WNT5B: variants seen among roughly 807,000 people sequenced by gnomAD.
WNT5B encodes protein Wnt-5b.
A neutral mutation model predicts 36.5 loss-of-function variants in WNT5B; 18 were observed. The ratio of observed to expected loss-of-function variants is 0.49; its 90% confidence interval spans 0.34 to 0.73. The LOEUF is 0.73. WNT5B is among the 30% of genes least tolerant of loss of function. WNT5B has a pLI of 0.01. For synonymous variants in WNT5B, 213 were observed against 212.3 expected (o/e 1.00, Z -0.03); for missense variants, 424 against 508.4 (o/e 0.83, Z 1.60).
intron 3 of WNT5B, among the ~76,000 whole-genome samples, chr12:1,637,687 T>C (rs934456375): frequency 6.6e-6 from 1 of 150,808 alleles, no homozygotes; most frequent in African/African-American, 2.4e-5. Context: ...GCAGCAGAGG[T>C]TGCAGTGAGC....
Position 1,646,177 on chromosome 12 carries a change from CT to C in WNT5B, c.1006del (p.Cys336AlafsTer48). The C allele has an allele frequency of 3.1e-6, 5 of 1,613,892 alleles. No homozygotes were observed. Among genetic ancestry groups the C allele is most frequent in the Non-Finnish European group, 4.2e-6 (5 of 1,180,050 alleles). On this transcript the variant is annotated frameshift_variant, in exon 5 of 5. Transcript: ENST00000397196. LOFTEE classifies it high-confidence loss of function. The stretch of plus-strand genomic sequence containing the variant: ...AGAGCGTGCAGGTGGAGCGCTGCCA[CT>C]GCAAGTTCCACTGGTGCTGCTTCGT... ...FKSVQVERCH[C>X]KFHWCCFVRC...
intron 4 of WNT5B, 59 bp from the exon 5 acceptor site, chr12:1,645,735 C>G: frequency 6.6e-7 from 1 of 1,507,088 alleles, no homozygotes; most frequent in East Asian, 2.3e-5. Context: ...ACCCCAGCCA[C>G]CCTCTGGGCC....
chr12:1,638,602 A>G (rs1391793248), intron 3 of WNT5B, among the ~76,000 whole-genome samples: 1 of 152,196 alleles, frequency 6.6e-6, no homozygotes, highest in Non-Finnish European at 1.5e-5. Flanking sequence ...AATAGAACAT[A>G]CATTATATGA....
intron 1 of WNT5B, among the ~76,000 whole-genome samples, chr12:1,623,177 G>GTTTTTTTTTTTTTTTTTTTTT (rs1565603144): frequency 1.0e-5 from 1 of 98,258 alleles, no homozygotes; most frequent in African/African-American, 4.2e-5. Flanking sequence ...CCTTTGAAGG[G>GTTTTTTTTTTTTTTTTTTTTT]TTTTTTGTTG....
intron 1 of WNT5B, chr12:1,617,217 A>G (rs1042520388): frequency 1.3e-5 from 2 of 152,104 alleles, no homozygotes; most frequent in African/African-American, 4.8e-5. Flanking sequence ...AAGAGTCAAT[A>G]TAACTACTTG....
upstream of WNT5B, among the ~76,000 whole-genome samples, chr12:1,628,055 CA>C (rs1009781988): frequency 1.6e-4 from 25 of 152,276 alleles, no homozygotes; most frequent in Admixed American, 1.6e-3. Context: ...GATGTCTGAC[CA>C]GCTCATTCTG....
At chr12:1,643,539 C>T (rs957991717) in intron 4 of WNT5B, among the ~76,000 whole-genome samples, 6 of 151,860 alleles carry the variant, frequency 4.0e-5, no homozygotes, top group African/African-American at 1.2e-4. Context: ...GCTAATTTTG[C>T]ATTTTTAGTA....
Position 1,632,946 on chromosome 12 carries a change from C to T in WNT5B, c.328+41C>T. 1.3e-6 allele frequency: 2 copies of T among 1,568,248 alleles called. No homozygotes were observed. Among genetic ancestry groups the T allele is most frequent in the Non-Finnish European group, 1.7e-6 (2 of 1,152,392 alleles). On this transcript the variant is annotated intron_variant, in intron 3 of 4. Coordinates refer to ENST00000397196, the MANE Select transcript of WNT5B (RefSeq NM_032642.3). The surrounding 1 kb of genome is among the most constrained non-coding windows in gnomAD (Gnocchi z 5.8). The stretch of plus-strand genomic sequence containing the variant: ...AAGAGGGCTCGGCCAAGGAACTGCA[C>T]TCGTCTCGTTTGGGAGCAATTAAGC...
chr12:1,629,543 C>T (rs909724331), intron 1 of WNT5B, among the ~76,000 whole-genome samples, 172 bp downstream of exon 1: 1 of 151,894 alleles, frequency 6.6e-6, no homozygotes, highest in Admixed American at 6.6e-5. Flanking sequence ...GCTTCGGGGC[C>T]GCGGGGAGGA....
At chr12:1,621,685 A>G (rs975098126) in intron 1 of WNT5B, among the ~76,000 whole-genome samples, 1 of 149,208 alleles carries the variant, frequency 6.7e-6, no homozygotes, top group African/African-American at 2.5e-5. Context: ...AGGATTACAG[A>G]CATGTGCCAC....
chr12:1,624,377 C>CA (rs34209948), upstream of WNT5B, among the ~76,000 whole-genome samples: 6,061 of 77,424 alleles, frequency 0.078, 236 homozygotes, highest in Non-Finnish European at 0.1. Context: ...GACTCTGTCT[C>CA]AAAAAAAAAA....
In WNT5B at chr12:1,632,237, T is replaced by C. The variant is rs903384107; in HGVS notation, c.81-421T>C. ...ACTCCTACTCATTGAATGAGGCCTGTGCTCTCCTGTTGAGGTTTGGCTCTT... is the reference window on the plus strand; with the variant it reads ...ACTCCTACTCATTGAATGAGGCCTGCGCTCTCCTGTTGAGGTTTGGCTCTT... On this transcript the variant is annotated intron_variant, in intron 2 of 4. Transcript: ENST00000397196. This position sits in a 1 kb window ranked among gnomAD's most constrained non-coding sequence, Gnocchi z 5.8. Among the ~76,000 whole-genome samples, 10 of 152,262 alleles carry C rather than the reference T, an allele frequency of 6.6e-5. No homozygotes were observed. Among genetic ancestry groups the C allele is most frequent in the Non-Finnish European group, 7.3e-5 (5 of 68,050 alleles).
chr12:1,629,991 G>T, intron 1 of WNT5B: 1 of 363,088 alleles, frequency 2.8e-6, no homozygotes, highest in Non-Finnish European at 3.8e-6. Flanking sequence ...GCCTGTTGGT[G>T]CCCCCGCCCC....
At position 1,632,682 on chromosome 12, in the gene WNT5B, G is replaced by A. The variant is rs753132418; in HGVS notation, c.105G>A (p.Gln35=). 2 of 1,607,204 alleles carry A rather than the reference G, an allele frequency of 1.2e-6. No individual in the cohort carries two copies. The highest frequency in any genetic ancestry group is 2.7e-5 in the African/African-American group (2 of 74,760). The change falls in exon 3 of 5, where the codon CAG becomes CAA. Residue 35 remains glutamine (Q), a synonymous_variant. Transcript: ENST00000397196. The surrounding 1 kb of genome is among the most constrained non-coding windows in gnomAD (Gnocchi z 5.8). ...SWWSLALNPV[Q]RPEMFIIGAQ... is the part of the protein sequence containing the mutation. ...GGTCATTAGCTTTGAACCCGGTGCA[G>A]AGACCCGAGATGTTTATCATCGGTG...
chr12:1,639,228 C>T (rs1167070210), intron 3 of WNT5B, among the ~76,000 whole-genome samples: 1 of 150,860 alleles, frequency 6.6e-6, no homozygotes, highest in African/African-American at 2.4e-5. Context: ...AGCTCCGCCT[C>T]CCGGGTTCAC....
chr12:1,637,758 A>G (rs544040697), intron 3 of WNT5B, among the ~76,000 whole-genome samples: 3 of 152,050 alleles, frequency 2.0e-5, no homozygotes, highest in Non-Finnish European at 2.9e-5. Flanking sequence ...TCAAAAAAAA[A>G]AAAAAGTTAT....
intron 4 of WNT5B, among the ~76,000 whole-genome samples, chr12:1,642,943 A>G (rs1261001555): frequency 2.6e-5 from 4 of 152,104 alleles, no homozygotes; most frequent in Admixed American, 1.3e-4. Context: ...GGCCTCGGCC[A>G]TCAGTCACCA....
At position 1,630,685 on chromosome 12, in the gene WNT5B, A is replaced by T. The variant is rs2154439533; in HGVS notation, c.-57-613A>T. ...TCGCGGCGTGGCTTGTACATTTCTC[A>T]GAGAAGCTGCCTTGAGAAAGTGAAA... On this transcript the variant is annotated intron_variant, in intron 1 of 4. Coordinates refer to ENST00000397196, the MANE Select transcript of WNT5B (RefSeq NM_032642.3). The surrounding 1 kb of genome is among the most constrained non-coding windows in gnomAD (Gnocchi z 5.3). The T allele has an allele frequency of 6.6e-6, 1 of 152,354 alleles. No homozygotes were observed. The highest frequency in any genetic ancestry group is 3.4e-3 in the Middle Eastern group (1 of 294). 9.4% of individuals were successfully genotyped at this position (152,354 alleles called of 1,614,324 possible).
At chr12:1,629,576 G>C (rs943871627) in intron 1 of WNT5B, among the ~76,000 whole-genome samples, 4 of 152,052 alleles carry the variant, frequency 2.6e-5, no homozygotes, top group Admixed American at 2.0e-4. Context: ...AGGAGGGCAC[G>C]GGCGGCCCTA....
Sources: allele counts gnomAD v4.1 joint callset (sites outside exome capture counted in the v4.1 genomes callset), GRCh38; gene constraint gnomAD v4.1.1; non-coding constraint Gnocchi (gnomAD v3.1); transcripts MANE v1.5; gene names NCBI Gene and HGNC (gene_info 2026-07-23, HGNC 2026-07-21).